GAS7: variants seen among roughly 807,000 people sequenced by gnomAD.
GAS7 encodes the protein growth arrest specific 7, also known as growth arrest-specific protein 7.
Under a neutral mutation model 71.1 loss-of-function variants are expected in GAS7, and 28 were observed. That is an observed-to-expected ratio of 0.39 (90% CI 0.29 to 0.54). GAS7 has a LOEUF of 0.54. GAS7 is among the 20% of genes least tolerant of loss of function. The pLI is 0.62. For synonymous variants in GAS7, 258 were observed against 245.8 expected (o/e 1.05, Z -0.46); for missense variants, 436 against 627.8 (o/e 0.69, Z 3.27).
intron 1 of GAS7, among the ~76,000 whole-genome samples, chr17:10,085,706 A>AAAAAAAAAAGAAAGAAAG (rs1555531934): frequency 4.4e-5 from 6 of 134,916 alleles, no homozygotes; most frequent in Non-Finnish European, 9.2e-5. Context: ...AAAAAAAAAA[A>AAAAAAAAAAGAAAGAAAG]AAAGAAAGAA....
chr17:10,053,622 T>C (rs756950749), intron 1 of GAS7, among the ~76,000 whole-genome samples: 1 of 152,070 alleles, frequency 6.6e-6, no homozygotes, highest in Admixed American at 6.5e-5. Flanking sequence ...CGATGTGGCA[T>C]CTGTGGAGCC....
chr17:10,142,354 T>C (rs2074089426), intron 1 of GAS7, among the ~76,000 whole-genome samples: 1 of 152,112 alleles, frequency 6.6e-6, no homozygotes, highest in African/African-American at 2.4e-5. Flanking sequence ...AAATAACATA[T>C]TATTAAAGGT....
chr17:9,933,499 T>C (rs1050614443), intron 9 of GAS7, among the ~76,000 whole-genome samples: 1 of 152,046 alleles, frequency 6.6e-6, no homozygotes, highest in African/African-American at 2.4e-5. Context: ...ACGGCCATTA[T>C]CAAAAAGGAA....
chr17:10,025,288 C>T (rs1256366137), intron 1 of GAS7, among the ~76,000 whole-genome samples: 1 of 151,848 alleles, frequency 6.6e-6, no homozygotes, highest in Non-Finnish European at 1.5e-5. Context: ...GTTCTAGAGA[C>T]TTCTATCCAG....
intron 1 of GAS7, chr17:10,036,347 T>C (rs1259577561): frequency 1.0e-5 from 12 of 1,148,976 alleles, no homozygotes; most frequent in Admixed American, 1.0e-4. Context: ...CAGAGCTGCC[T>C]CTTTACCATG....
Position 10,150,591 on chromosome 17 carries a change from C to CTTTTTTTTTT in GAS7, c.183+47607_183+47616dup, listed in dbSNP as rs3051271. Among the ~76,000 whole-genome samples the CTTTTTTTTTT allele has an allele frequency of 9.9e-4, 118 of 118,938 alleles. 7 individuals are homozygous for CTTTTTTTTTT. Among genetic ancestry groups the CTTTTTTTTTT allele is most frequent in the African/African-American group, 2.5e-3 (74 of 29,176 alleles). The allele number at this position is 118,938 out of a possible 152,430, so 78.0% of individuals were successfully genotyped here. A position where few individuals can be genotyped will look rare whatever the true frequency, so the allele number is the denominator to read the frequency against. On this transcript the variant is annotated intron_variant, in intron 1 of 13. Coordinates refer to ENST00000432992, the MANE Select transcript of GAS7 (RefSeq NM_201433.2). ...ACTCAGTAATGAGGCTGTTACATTTCTTTTTTTTTTTTTTTTAGACAGGGT... is the reference window on the plus strand; with the variant it reads ...ACTCAGTAATGAGGCTGTTACATTTCTTTTTTTTTTTTTTTTTTTTTTTTTTAGACAGGGT...
intron 2 of GAS7, among the ~76,000 whole-genome samples, chr17:9,989,752 G>C (rs2070771345): frequency 6.6e-6 from 1 of 152,208 alleles, no homozygotes; most frequent in African/African-American, 2.4e-5. Context: ...GAAGATCTGA[G>C]AGAAATGTAT....
intron 2 of GAS7, among the ~76,000 whole-genome samples, chr17:9,982,699 C>T (rs62065762): frequency 0.028 from 4,258 of 151,898 alleles, 76 homozygotes; most frequent in Non-Finnish European, 0.045. Context: ...ACCCTTGAAC[C>T]TGGGAGGCAG....
At chr17:10,082,941 T>G (rs1230778022) in intron 1 of GAS7, among the ~76,000 whole-genome samples, 1 of 152,068 alleles carries the variant, frequency 6.6e-6, no homozygotes, top group African/African-American at 2.4e-5. Flanking sequence ...AAAACTAACC[T>G]AGAGGATAGA....
intron 2 of GAS7, among the ~76,000 whole-genome samples, chr17:9,986,665 C>A (rs1024861670): frequency 6.6e-6 from 1 of 152,294 alleles, no homozygotes; most frequent in East Asian, 1.9e-4. Flanking sequence ...CGATGGGAGG[C>A]CCCTTTCCCT....
intron 1 of GAS7, among the ~76,000 whole-genome samples, chr17:10,137,124 A>AG (rs1567606597): frequency 2.0e-5 from 3 of 150,410 alleles, no homozygotes; most frequent in Admixed American, 6.6e-5. Flanking sequence ...AAAAGAAAAA[A>AG]AGAGAGAGAG....
At chr17:9,989,984 C>A (rs2070778068) in intron 2 of GAS7, among the ~76,000 whole-genome samples, 1 of 152,100 alleles carries the variant, frequency 6.6e-6, no homozygotes, top group African/African-American at 2.4e-5. Context: ...AGAAAGCTCA[C>A]CCTGGCCGGG....
At chr17:9,978,445 T>A (rs2070289806) in intron 3 of GAS7, among the ~76,000 whole-genome samples, 1 of 149,254 alleles carries the variant, frequency 6.7e-6, no homozygotes, top group East Asian at 2.0e-4. Flanking sequence ...AGACCAGGAG[T>A]TCAAAACCAG....
At chr17:9,922,318 T>C (rs567728210) in intron 11 of GAS7, among the ~76,000 whole-genome samples, 19 of 152,132 alleles carry the variant, frequency 1.2e-4, no homozygotes, top group Non-Finnish European at 2.6e-4. Flanking sequence ...ACAGGTGGCA[T>C]TTCCTGAGCA....
intron 2 of GAS7, among the ~76,000 whole-genome samples, chr17:9,994,879 G>A (rs939597679): frequency 6.6e-6 from 1 of 152,210 alleles, no homozygotes; most frequent in African/African-American, 2.4e-5. Context: ...TTAAGCCCCT[G>A]AGGGCCAAGT....
rs115102344 is a variant in GAS7, at chr17:10,043,159, C to A, written c.184-23262G>T. On this transcript the variant is annotated intron_variant, in intron 1 of 13. Transcript: ENST00000432992. ...GCAGTGGGAGAAGAATTATTCTCCC[C>A]CAGCATGCCTCAGGCCCAATCCCTC... Among the ~76,000 whole-genome samples the A allele has an allele frequency of 8.9e-3, 1,348 of 152,218 alleles. 22 individuals carry two copies. Among genetic ancestry groups the A allele is most frequent in the African/African-American group, 0.03 (1,262 of 41,510 alleles).
chr17:10,134,519 GCTGAA>G (rs763763206), intron 1 of GAS7, among the ~76,000 whole-genome samples: 11 of 152,106 alleles, frequency 7.2e-5, no homozygotes, highest in Non-Finnish European at 1.5e-4. Context: ...TTCCGTAATA[GCTGAA>G]CTGATTTATA....
At chr17:10,071,511 C>G (rs1241569030) in intron 1 of GAS7, among the ~76,000 whole-genome samples, 1 of 152,162 alleles carries the variant, frequency 6.6e-6, no homozygotes, top group African/African-American at 2.4e-5. Flanking sequence ...GAGGGCTCAC[C>G]CTGCAGACCA....
chr17:9,967,133 G>T (rs996820589), intron 4 of GAS7, among the ~76,000 whole-genome samples: 1 of 149,864 alleles, frequency 6.7e-6, no homozygotes, highest in Non-Finnish European at 1.5e-5. Context: ...TCCAGAGCTC[G>T]CCTCTCCTGA....
Sources: gnomAD v4.1 joint callset for allele counts (sites outside exome capture counted in the v4.1 genomes callset) on GRCh38, gnomAD v4.1.1 for gene constraint, MANE v1.5 for transcripts, NCBI Gene and HGNC (gene_info 2026-07-23, HGNC 2026-07-21) for gene names.